Variants in DDR1 observed in about 807,000 individuals in gnomAD.
The protein encoded by DDR1 is epithelial discoidin domain-containing receptor 1.
DDR1 carries 64 observed loss-of-function variants against 97.4 expected under a neutral mutation model. The observed-to-expected ratio is 0.66, with a 90% confidence interval of 0.54 to 0.81. DDR1 has a LOEUF of 0.81. Ranked by LOEUF, DDR1 falls within the 30% of genes least tolerant of loss-of-function variation. The probability of loss-of-function intolerance (pLI) is 0.00; values close to 1 mark genes in which losing one functional copy is unlikely to be tolerated. For synonymous variants in DDR1, 458 were observed against 503.7 expected, an observed-to-expected ratio of 0.91 and a Z score of 1.21; for missense variants, 990 against 1,259.6, an observed-to-expected ratio of 0.79 and a Z score of 3.24.
Position 30,893,311 on chromosome 6 carries a change from A to G in DDR1, c.1235A>G (p.Glu412Gly). The change falls in exon 10 of 18, where the codon GAG becomes GGG. Residue 412 changes from glutamate to glycine, a missense_variant. Physicochemically the swap from Glu to Gly is moderately conservative, Grantham distance 98 (BLOSUM62 -2). Transcript: ENST00000376568. ...GGCCAGCAGCCCGTGGCCAAGGCCG[A>G]GGGGAGCCCGACCGCCATCCTCATC... ...PRGQQPVAKA[E>G]GSPTAILIGC... is the part of the protein sequence containing the mutation. The G allele has an allele frequency of 6.2e-7, 1 of 1,606,420 alleles. No homozygotes were observed. Among genetic ancestry groups the G allele is most frequent in the Non-Finnish European group, 8.5e-7 (1 of 1,179,676 alleles).
Position 30,899,754 on chromosome 6 carries a change from A to G in DDR1, c.*458A>G, listed in dbSNP as rs1031908366. On this transcript the variant is annotated 3_prime_UTR_variant, in exon 18 of 18. Transcript: ENST00000376568. ...CTGAGAATCTGGGGGTGAGGAGGAC[A>G]AGAAGGAGAGGAAAATGTTTCCTTG... 10 of 348,518 alleles carry G rather than the reference A, an allele frequency of 2.9e-5. No homozygotes were observed. The East Asian group carries it at 5.0e-4, about 17-fold the overall frequency. 21.6% of individuals were successfully genotyped at this position (348,518 alleles called of 1,614,324 possible).
chr6:30,899,005 G>A lies in DDR1; in HGVS notation c.2569G>A (p.Ala857Thr), dbSNP rs1447733299. 6 of 1,613,932 alleles carry A rather than the reference G, an allele frequency of 3.7e-6. No individual in the cohort carries two copies. The highest frequency in any genetic ancestry group is 2.2e-5 in the South Asian group (2 of 91,058). Residue 857 changes from alanine (A) to threonine (T), a missense_variant, in exon 17 of 18, where the codon GCG becomes ACG. Coordinates refer to ENST00000376568, the MANE Select transcript of DDR1 (RefSeq NM_001297654.2). ...QLTDEQVIEN[A>T]GEFFRDQGRQ... Reference sequence around the variant, plus strand: ...CACCGACGAGCAGGTCATCGAGAACGCGGGGGAGTTCTTCCGGGACCAGGG... The same window carrying A: ...CACCGACGAGCAGGTCATCGAGAACACGGGGGAGTTCTTCCGGGACCAGGG...
intron 8 of DDR1, 164 bp downstream of exon 8, chr6:30,892,706 C>A: frequency 1.1e-6 from 1 of 899,954 alleles, no homozygotes; most frequent in Non-Finnish European, 1.6e-6. Flanking sequence ...CCCCTTTCTG[C>A]CTCTTGTTCT....
rs774681658 is a variant in DDR1 at position 30,889,335 on chromosome 6, G to A, written c.322G>A (p.Gly108Arg). 1.1e-5 allele frequency: 18 copies of A among 1,612,014 alleles called. No individual in the cohort carries two copies. The highest frequency in any genetic ancestry group is 1.7e-5 in the Admixed American group (1 of 59,894). ...GGTGGGCACCCAGGGACGGCATGCC[G>A]GGGGCCTGGGCAAGGAGTTCTCCCG... ...ALVGTQGRHA[G>R]GLGKEFSRSY... The change falls in exon 4 of 18, where the codon GGG becomes AGG. Residue 108 changes from glycine to arginine, a missense_variant. By Grantham distance (125) the Gly-to-Arg change is moderately radical. Transcript: ENST00000376568. The surrounding 1 kb of genome is among the most constrained non-coding windows in gnomAD (Gnocchi z 4.9).
Position 30,886,961 on chromosome 6 carries a change from A to G in DDR1, c.-42-1727A>G, listed in dbSNP as rs1786073430. ...CTGAGGAACAGAGTAGGGATTTTCA[A>G]ACTTTAATGGGCACAGGTCACCTGG... On this transcript the variant is annotated intron_variant, in intron 1 of 17. Transcript: ENST00000376568. This position sits in a 1 kb window ranked among gnomAD's most constrained non-coding sequence, Gnocchi z 4.6. 1 of 152,212 alleles carries G rather than the reference A, an allele frequency of 6.6e-6. No individual in the cohort carries two copies. Among genetic ancestry groups the G allele is most frequent in the African/African-American group, 2.4e-5 (1 of 41,430 alleles). 9.4% of individuals were successfully genotyped at this position (152,212 alleles called of 1,614,324 possible).
In DDR1 at chr6:30,900,060, A is replaced by G. The variant is rs777051199; in HGVS notation, c.*764A>G. The G allele has an allele frequency of 5.4e-5, 32 of 595,596 alleles. No individual in the cohort carries two copies. Among genetic ancestry groups the G allele is most frequent in the East Asian group, 3.7e-4 (11 of 29,360 alleles). The allele number at this position is 595,596 out of a possible 1,614,324, so 36.9% of individuals were successfully genotyped here. ...TTGGGGTTTGTACATTTTTGGGGGG[A>G]GAGACACAGATTTTTACACTAATAT... On this transcript the variant is annotated 3_prime_UTR_variant, in exon 18 of 18. Transcript: ENST00000376568.
intron 1 of DDR1, chr6:30,885,216 G>A: frequency 6.5e-7 from 1 of 1,533,838 alleles, no homozygotes; most frequent in South Asian, 1.2e-5. Context: ...TCTGGCATGA[G>A]AGAATGTCAC....
In DDR1 at chr6:30,892,419, C is replaced by G. The variant is rs143061452; in HGVS notation, c.976C>G (p.Leu326Val). 6.2e-7 allele frequency: 1 copy of G among 1,605,230 alleles called. No individual in the cohort carries two copies. The highest frequency in any genetic ancestry group is 8.5e-7 in the Non-Finnish European group (1 of 1,178,926). Residue 326 changes from leucine (L) to valine (V), a missense_variant, in exon 8 of 18, where the codon CTG (leucine) becomes GTG (valine). Leu to Val is a conservative substitution (Grantham distance 32). Transcript: ENST00000376568. Reference protein sequence around the residue: ...EPMRHNLGGNLGDPRARAVSV... With the variant: ...EPMRHNLGGNVGDPRARAVSV... ...CATGCGCCACAACCTAGGGGGCAAC[C>G]TGGGGGACCCCAGAGCCCGGGCTGT...
In DDR1 at chr6:30,891,547, G is replaced by GTGTGTGTGTGTGTT. The variant is rs747763259; in HGVS notation, c.665+78_665+79insTGTTTGTGTGTGTG. ...GAGGACTGTGTGTGTGTGTGTGTGT[G>GTGTGTGTGTGTGTT]TGTGTGTGTGAGAGTGTGTGTGTGT... is the stretch of plus-strand genomic sequence containing the variant. On this transcript the variant is annotated intron_variant, in intron 6 of 17. Coordinates refer to ENST00000376568, the MANE Select transcript of DDR1 (RefSeq NM_001297654.2). The surrounding 1 kb of genome is among the most constrained non-coding windows in gnomAD (Gnocchi z 5.3). The GTGTGTGTGTGTGTT allele has an allele frequency of 0.11, 106,976 of 947,198 alleles. 4,187 individuals carry two copies. The highest frequency in any genetic ancestry group is 0.26 in the East Asian group (9,909 of 38,150). 58.7% of individuals were successfully genotyped at this position (947,198 alleles called of 1,614,324 possible).
Position 30,897,377 on chromosome 6 carries a change from A to G in DDR1, c.1998-2A>G, listed in dbSNP as rs1446665948. 6.2e-7 allele frequency: 1 copy of G among 1,614,038 alleles called. No individual in the cohort carries two copies. Among genetic ancestry groups the G allele is most frequent in the Non-Finnish European group, 8.5e-7 (1 of 1,179,998 alleles). ...CCTCTTCAGCTTCTCCTTGTTCTCC[A>G]GGAATGATTTCCTGAAAGAGGTGAA... On this transcript the variant is annotated splice_acceptor_variant, in intron 14 of 17. Transcript: ENST00000376568. LOFTEE classifies it high-confidence loss of function. This position sits in a 1 kb window ranked among gnomAD's most constrained non-coding sequence, Gnocchi z 5.2.
chr6:30,896,935 G>T, intron 13 of DDR1, 70 bp downstream of exon 13: 1 of 1,570,664 alleles, frequency 6.4e-7, no homozygotes, highest in Non-Finnish European at 8.7e-7. Context: ...CATCCCCCTA[G>T]CCAGGAACCT....
intron 1 of DDR1, among the ~76,000 whole-genome samples, chr6:30,887,464 C>T (rs1029672595): frequency 1.3e-5 from 2 of 152,122 alleles, no homozygotes; most frequent in African/African-American, 4.8e-5. Flanking sequence ...TATATTCTCT[C>T]CTTCTAGACG....
intron 1 of DDR1, chr6:30,885,580 T>C (rs1472426062): frequency 6.4e-6 from 9 of 1,405,428 alleles, no homozygotes; most frequent in African/African-American, 1.4e-5. Flanking sequence ...TCATGCTGTC[T>C]TTTGGTCACA....
Position 30,891,037 on chromosome 6 carries a change from C to T in DDR1, c.482C>T (p.Ala161Val), listed in dbSNP as rs773912777. Residue 161 changes from alanine to valine, a missense_variant, in exon 5 of 18, where the codon GCC (alanine) becomes GTC (valine). Transcript: ENST00000376568. The surrounding 1 kb of genome is among the most constrained non-coding windows in gnomAD (Gnocchi z 5.3). Reference protein sequence around the residue: ...VLKDLGPPMVARLVRFYPRAD... With the variant: ...VLKDLGPPMVVRLVRFYPRAD... The stretch of plus-strand genomic sequence containing the variant: ...AAGGACCTTGGGCCCCCCATGGTTG[C>T]CCGACTGGTTCGCTTCTACCCCCGG... 1 of 1,613,012 alleles carries T rather than the reference C, an allele frequency of 6.2e-7. No individual in the cohort carries two copies. The highest frequency in any genetic ancestry group is 1.1e-5 in the South Asian group (1 of 91,074).
chr6:30,891,552 TGTGTGAGA>T lies in DDR1; in HGVS notation c.665+79_665+86del, dbSNP rs771537839. 21 of 951,092 alleles carry T rather than the reference TGTGTGAGA, an allele frequency of 2.2e-5. No individual in the cohort carries two copies. The highest frequency in any genetic ancestry group is 3.2e-5 in the Non-Finnish European group (20 of 619,040). The allele number at this position is 951,092 out of a possible 1,614,324, so 58.9% of individuals were successfully genotyped here. On this transcript the variant is annotated intron_variant, in intron 6 of 17. Transcript: ENST00000376568. The surrounding 1 kb of genome is among the most constrained non-coding windows in gnomAD (Gnocchi z 5.3). Reference sequence around the variant, plus strand: ...CTGTGTGTGTGTGTGTGTGTGTGTGTGTGTGAGAGTGTGTGTGTGTAGGGGGGCTGGTA... The same window carrying T: ...CTGTGTGTGTGTGTGTGTGTGTGTGTGTGTGTGTGTGTAGGGGGGCTGGTA...
At chr6:30,885,605 C>CT in intron 1 of DDR1, 2 of 1,379,926 alleles carry the variant, frequency 1.4e-6, no homozygotes, top group Non-Finnish European at 1.9e-6. Context: ...CATGTGGTGT[C>CT]TGTCATTTCA....
chr6:30,899,230 T>C lies in DDR1; in HGVS notation c.2676T>C (p.Ser892=), dbSNP rs2150484938. 6.2e-7 allele frequency: 1 copy of C among 1,614,166 alleles called. No individual in the cohort carries two copies. Among genetic ancestry groups the C allele is most frequent in the Non-Finnish European group, 8.5e-7 (1 of 1,180,008 alleles). ...ELMLRCWSRE[S]EQRPPFSQLH... ...TGCTTCGGTGCTGGAGCCGGGAGTCTGAGCAGCGACCACCCTTTTCCCAGC... is the reference window on the plus strand; with the variant it reads ...TGCTTCGGTGCTGGAGCCGGGAGTCCGAGCAGCGACCACCCTTTTCCCAGC... The change falls in exon 18 of 18, where the codon TCT becomes TCC. Residue 892 remains serine, a synonymous_variant. Transcript: ENST00000376568.
At chr6:30,898,414 T>C (rs1791731166) in intron 16 of DDR1, 107 bp downstream of exon 16, 1 of 836,358 alleles carries the variant, frequency 1.2e-6, no homozygotes. Flanking sequence ...TGGGTTGCAT[T>C]TTACAGAATC....
chr6:30,898,180 G>A lies in DDR1; in HGVS notation c.2324G>A (p.Gly775Glu), dbSNP rs1221010043. Residue 775 changes from glycine (G) to glutamate (E), a missense_variant, in exon 16 of 18, where the codon GGG becomes GAG. Physicochemically the swap from Gly to Glu is moderately conservative, Grantham distance 98. Coordinates refer to ENST00000376568, the MANE Select transcript of DDR1 (RefSeq NM_001297654.2). ...CTGGCCACGCGGAACTGCCTAGTTG[G>A]GGAAAATTTCACCATCAAAATCGCA... ...RDLATRNCLVGENFTIKIADF... is the reference protein window; with the variant it reads ...RDLATRNCLVEENFTIKIADF... The A allele has an allele frequency of 1.9e-6, 3 of 1,614,260 alleles. No individual in the cohort carries two copies. The highest frequency in any genetic ancestry group is 2.5e-6 in the Non-Finnish European group (3 of 1,180,056).
Sources: allele counts gnomAD v4.1 joint callset (sites outside exome capture counted in the v4.1 genomes callset), GRCh38; gene constraint gnomAD v4.1.1; non-coding constraint Gnocchi (gnomAD v3.1); transcripts MANE v1.5; gene names NCBI Gene and HGNC (gene_info 2026-07-23, HGNC 2026-07-21).